Variants in DCC observed in about 807,000 individuals in gnomAD.
DCC encodes the protein DCC netrin 1 receptor.
A neutral mutation model predicts 172.5 loss-of-function variants in DCC; 58 were observed. The observed-to-expected ratio is 0.34, with a 90% CI of 0.27 to 0.42. DCC has a LOEUF of 0.42. DCC is among the 10% of genes least tolerant of loss of function. DCC has a pLI of 1.00. For missense variants in DCC, 1,740 were observed against 1,791.0 expected (o/e 0.97, Z 0.51); for synonymous variants, 709 against 644.5 (o/e 1.10, Z -1.52).
At chr18:52,469,209 C>A (rs928240964) in intron 1 of DCC, among the ~76,000 whole-genome samples, 1 of 152,118 alleles carries the variant, frequency 6.6e-6, no homozygotes, top group Admixed American at 6.6e-5. Flanking sequence ...AGGCGTCTGC[C>A]AGCATGCATG....
intron 23 of DCC, 23 bp downstream of exon 23, chr18:53,450,685 G>A (rs368844418): frequency 5.0e-6 from 8 of 1,590,350 alleles, no homozygotes; most frequent in Non-Finnish European, 6.9e-6. Context: ...TGGTTCCCAA[G>A]AGGAAAGAAG....
rs949511297 is a variant in DCC, at chr18:53,467,877, G to A, written c.3620-17G>A. 2 of 1,260,854 alleles carry A rather than the reference G, an allele frequency of 1.6e-6. No individual in the cohort carries two copies. Among genetic ancestry groups the A allele is most frequent in the Non-Finnish European group, 2.3e-6 (2 of 857,260 alleles). 78.1% of individuals were successfully genotyped at this position (1,260,854 alleles called of 1,614,324 possible). A position where few individuals can be genotyped will look rare whatever the true frequency, so the allele number is the denominator to read the frequency against. On this transcript the variant is annotated splice_polypyrimidine_tract_variant and intron_variant, in intron 24 of 28. Transcript: ENST00000442544. ...TCCTTGAAGAGGGCATGTTTCTCAG[G>A]AGTGTGTATTTTTTAGGTCAAGACA...
intron 12 of DCC, among the ~76,000 whole-genome samples, chr18:53,217,524 TTC>T (rs921210701): frequency 3.9e-5 from 6 of 152,120 alleles, no homozygotes; most frequent in Non-Finnish European, 7.4e-5. Context: ...TCTCTCCTTT[TTC>T]TCTCTCTGAT....
intron 3 of DCC, among the ~76,000 whole-genome samples, chr18:52,919,986 A>G (rs1259642238): frequency 1.3e-5 from 2 of 150,768 alleles, no homozygotes; most frequent in African/African-American, 4.9e-5. Context: ...CGCCTTTTCA[A>G]CAAGTGGTAC....
chr18:53,485,958 A>T (rs923911612), intron 25 of DCC, among the ~76,000 whole-genome samples: 1 of 152,112 alleles, frequency 6.6e-6, no homozygotes, highest in Non-Finnish European at 1.5e-5. Context: ...AGACAGGAAT[A>T]TACTGCTAAA....
At chr18:52,431,727 C>T (rs1987631622) in intron 1 of DCC, among the ~76,000 whole-genome samples, 1 of 152,124 alleles carries the variant, frequency 6.6e-6, no homozygotes, top group Non-Finnish European at 1.5e-5. Flanking sequence ...AATTCCGAGG[C>T]CACAAATGTT....
At chr18:52,754,039 C>T (rs1184492430) in intron 2 of DCC, 2 of 152,244 alleles carry the variant, frequency 1.3e-5, no homozygotes, top group South Asian at 2.1e-4. Context: ...AATATTGAAT[C>T]ATAGGCTGTT....
intron 12 of DCC, among the ~76,000 whole-genome samples, chr18:53,254,953 T>C (rs1425781645): frequency 1.3e-5 from 2 of 152,192 alleles, no homozygotes; most frequent in South Asian, 2.1e-4. Context: ...TCCCCCTAAA[T>C]TGGAAGACTT....
chr18:52,642,732 T>G (rs1173291988), intron 1 of DCC, among the ~76,000 whole-genome samples: 2 of 152,198 alleles, frequency 1.3e-5, no homozygotes, highest in Non-Finnish European at 2.9e-5. Context: ...GGCACAATCA[T>G]AGCTCACTGC....
At chr18:52,500,550 A>T (rs1289149514) in intron 1 of DCC, among the ~76,000 whole-genome samples, 1 of 152,174 alleles carries the variant, frequency 6.6e-6, no homozygotes, top group South Asian at 2.1e-4. Context: ...TTTGGCGCTA[A>T]TAAGTATGTC....
chr18:52,812,309 T>C (rs1454208021), intron 2 of DCC, among the ~76,000 whole-genome samples: 2 of 152,192 alleles, frequency 1.3e-5, no homozygotes, highest in Non-Finnish European at 2.9e-5. Context: ...CCCTTTCCAA[T>C]GATCAATGTC....
intron 23 of DCC, among the ~76,000 whole-genome samples, chr18:53,452,535 TC>T (rs2045427125): frequency 6.6e-6 from 1 of 152,190 alleles, no homozygotes; most frequent in Non-Finnish European, 1.5e-5. Flanking sequence ...TGAGAAAATC[TC>T]CAGTCATCTT....
intron 1 of DCC, among the ~76,000 whole-genome samples, chr18:52,458,552 C>A (rs1328432263): frequency 1.3e-5 from 2 of 152,088 alleles, no homozygotes; most frequent in Admixed American, 1.3e-4. Context: ...TCTCTTACAC[C>A]CTTTTTCTTT....
chr18:53,192,683 A>T (rs1598892575), intron 9 of DCC, among the ~76,000 whole-genome samples: 1 of 152,222 alleles, frequency 6.6e-6, no homozygotes, highest in Non-Finnish European at 1.5e-5. Flanking sequence ...CTGGGAGCTT[A>T]TAAATTAAAA....
chr18:53,212,666 G>T (rs965632326), intron 11 of DCC, among the ~76,000 whole-genome samples: 10 of 123,168 alleles, frequency 8.1e-5, no homozygotes, highest in South Asian at 7.0e-4. Context: ...TTCAATTCTT[G>T]TTTTTTTTTT....
At chr18:53,047,631 C>T (rs1165120776) in intron 5 of DCC, among the ~76,000 whole-genome samples, 1 of 150,508 alleles carries the variant, frequency 6.6e-6, no homozygotes, top group African/African-American at 2.4e-5. Flanking sequence ...TTTACACAGA[C>T]ATATTGCTTT....
intron 6 of DCC, among the ~76,000 whole-genome samples, chr18:53,064,369 G>T (rs530888930): frequency 3.3e-5 from 5 of 152,146 alleles, no homozygotes; most frequent in African/African-American, 9.7e-5. Flanking sequence ...AAATAACAAA[G>T]AACTTGCAGC....
chr18:53,486,840 G>C lies in DCC; in HGVS notation c.3780G>C (p.Gln1260His). ...AIPVPTLESA[Q>H]YPGILPSPTC... is the part of the protein sequence containing the mutation. ...CGGTGCCAACGCTAGAAAGTGCCCA[G>C]TACCCAGGAATCCTCCCGTCTCCCA... The change falls in exon 26 of 29, where the codon CAG becomes CAC. Residue 1260 changes from glutamine (Q) to histidine (H), a missense_variant. Physicochemically the swap from Gln to His is conservative, Grantham distance 24 (BLOSUM62 0). Coordinates refer to ENST00000442544, the MANE Select transcript of DCC (RefSeq NM_005215.4). 6.2e-7 allele frequency: 1 copy of C among 1,614,114 alleles called. No homozygotes were observed. The highest frequency in any genetic ancestry group is 8.5e-7 in the Non-Finnish European group (1 of 1,180,030).
chr18:52,820,555 A>T (rs1258261576), intron 2 of DCC, among the ~76,000 whole-genome samples: 1 of 152,176 alleles, frequency 6.6e-6, no homozygotes, highest in East Asian at 1.9e-4. Flanking sequence ...TATACTGTTT[A>T]ATTTAGCCCA....
Sources: gnomAD v4.1 joint callset for allele counts (sites outside exome capture counted in the v4.1 genomes callset) on GRCh38, gnomAD v4.1.1 for gene constraint, MANE v1.5 for transcripts, NCBI Gene and HGNC (gene_info 2026-07-23, HGNC 2026-07-21) for gene names.